The following ASTN2 variants were observed in gnomAD, a reference collection of about 807,000 sequenced individuals.
ASTN2 encodes the protein astrotactin-2.
A neutral mutation model predicts 139.8 loss-of-function variants in ASTN2; 54 were observed. The ratio of observed to expected loss-of-function variants is 0.39; its 90% CI spans 0.31 to 0.48. The LOEUF is 0.48. Ranked by LOEUF, ASTN2 falls within the 20% of genes least tolerant of loss-of-function variation. ASTN2 has a pLI of 0.95. For synonymous variants in ASTN2, 756 were observed against 719.5 expected, an observed-to-expected ratio of 1.05 and a Z score of -0.81; for missense variants, 1,565 against 1,725.1, an observed-to-expected ratio of 0.91 and a Z score of 1.64.
At chr9:117,036,860 C>T (rs1838398134) in intron 6 of ASTN2, among the ~76,000 whole-genome samples, 1 of 152,132 alleles carries the variant, frequency 6.6e-6, no homozygotes, top group Admixed American at 6.6e-5. Flanking sequence ...AGTATGAAAA[C>T]TGCTTGTTTC....
chr9:117,176,619 G>C (rs562027192), intron 3 of ASTN2, among the ~76,000 whole-genome samples: 4 of 152,236 alleles, frequency 2.6e-5, no homozygotes, highest in African/African-American at 9.6e-5. Flanking sequence ...ATGAAGCCAA[G>C]GGAAAGATCA....
At chr9:117,159,552 T>C (rs1830502509) in intron 3 of ASTN2, among the ~76,000 whole-genome samples, 1 of 151,982 alleles carries the variant, frequency 6.6e-6, no homozygotes, top group Admixed American at 6.6e-5. Flanking sequence ...TTTTGGGTAT[T>C]GAAAAAATAT....
chr9:116,960,497 A>G (rs1309417333), intron 10 of ASTN2, among the ~76,000 whole-genome samples: 1 of 150,514 alleles, frequency 6.6e-6, no homozygotes, highest in Non-Finnish European at 1.5e-5. Context: ...CATCCATTCA[A>G]TAGGACTAAT....
rs546027888 is a variant in ASTN2 at position 116,874,325 on chromosome 9, G to A, written c.1890-10592C>T. ...TTCAGAGTGGTCTCATAACTTCCTG[G>A]GAGTGTCTTGTGCTTCTGAGTAGCT... On this transcript the variant is annotated intron_variant, in intron 10 of 22. Coordinates refer to ENST00000313400, the MANE Select transcript of ASTN2 (RefSeq NM_001365068.1). Among the ~76,000 whole-genome samples the A allele has an allele frequency of 4.6e-5, 7 of 152,146 alleles. No homozygotes were observed. In the South Asian group the frequency reaches 1.5e-3, roughly 32 times the overall value.
At chr9:116,791,592 A>G (rs188153290) in intron 13 of ASTN2, among the ~76,000 whole-genome samples, 10 of 152,250 alleles carry the variant, frequency 6.6e-5, no homozygotes, top group Non-Finnish European at 1.0e-4. Context: ...GGAAGCAGCC[A>G]TTATGAACAA....
chr9:117,118,634 G>A (rs1829463989), intron 4 of ASTN2, among the ~76,000 whole-genome samples: 3 of 152,104 alleles, frequency 2.0e-5, no homozygotes, highest in Non-Finnish European at 4.4e-5. Flanking sequence ...GTCTCCAATG[G>A]ATGCTCATCA....
Position 117,096,822 on chromosome 9 carries a change from G to A in ASTN2, c.1169-671C>T, listed in dbSNP as rs182953777. 1.1e-4 allele frequency among the ~76,000 whole-genome samples: 16 copies of A among 152,314 alleles called. 1 individual carries two copies. In the East Asian group the frequency reaches 3.1e-3, roughly 29 times the overall value. On this transcript the variant is annotated intron_variant, in intron 4 of 22. Coordinates refer to ENST00000313400, the MANE Select transcript of ASTN2 (RefSeq NM_001365068.1). ...GCGAAGATTTAAGTCAGGTCTTGAAGGATGGATGGGCCTGCACTGATAGAA... is the reference window on the plus strand; with the variant it reads ...GCGAAGATTTAAGTCAGGTCTTGAAAGATGGATGGGCCTGCACTGATAGAA...
At chr9:117,190,016 G>T (rs1243983491) in intron 3 of ASTN2, among the ~76,000 whole-genome samples, 1 of 152,200 alleles carries the variant, frequency 6.6e-6, no homozygotes, top group Non-Finnish European at 1.5e-5. Context: ...CATAAGGGCT[G>T]TCTCAATTTC....
intron 13 of ASTN2, among the ~76,000 whole-genome samples, chr9:116,750,799 T>C (rs536613140): frequency 6.6e-6 from 1 of 152,278 alleles, no homozygotes; most frequent in African/African-American, 2.4e-5. Context: ...AAAGGTGAAG[T>C]GTACATGCTG....
intron 1 of ASTN2, among the ~76,000 whole-genome samples, chr9:117,397,929 A>T (rs892585398): frequency 6.6e-6 from 1 of 152,206 alleles, no homozygotes; most frequent in Admixed American, 6.5e-5. Flanking sequence ...TGTAATAACT[A>T]GTCCCTTTCT....
intron 20 of ASTN2, among the ~76,000 whole-genome samples, chr9:116,472,105 C>G (rs567023549): frequency 6.6e-6 from 1 of 152,130 alleles, no homozygotes. Context: ...TTATACACCA[C>G]GAAGATCTTT....
chr9:117,394,952 A>G (rs777726201), intron 1 of ASTN2, among the ~76,000 whole-genome samples: 5 of 152,206 alleles, frequency 3.3e-5, no homozygotes, highest in Non-Finnish European at 7.3e-5. Context: ...AGAAACTGCC[A>G]AGAGACTGGG....
intron 16 of ASTN2, among the ~76,000 whole-genome samples, chr9:116,722,534 C>G (rs1564232185): frequency 6.6e-6 from 1 of 151,948 alleles, no homozygotes; most frequent in Non-Finnish European, 1.5e-5. Context: ...TCCAGGGACA[C>G]CAGAGCTAGG....
chr9:117,222,462 C>T (rs537427701), intron 2 of ASTN2, among the ~76,000 whole-genome samples: 1 of 152,272 alleles, frequency 6.6e-6, no homozygotes, highest in African/African-American at 2.4e-5. Flanking sequence ...CCTGAGCCTC[C>T]TTTCCCACTA....
At chr9:116,446,286 G>C (rs200106358) in intron 20 of ASTN2, among the ~76,000 whole-genome samples, 1 of 150,114 alleles carries the variant, frequency 6.7e-6, no homozygotes, top group African/African-American at 2.5e-5. Flanking sequence ...GAGAGAGAGA[G>C]AGAGAGAGAG....
rs1160433645 is a variant in ASTN2, at chr9:116,843,772, G to C, written c.2040+19811C>G. 3.3e-5 allele frequency among the ~76,000 whole-genome samples: 5 copies of C among 152,002 alleles called. No homozygotes were observed. The East Asian group carries it at 9.6e-4, about 29-fold the overall frequency. ...GGGAAGGAGGCAGGGAGGTGAAAGG[G>C]AAGAAACAGGTGCAAGGATTAAAAA... On this transcript the variant is annotated intron_variant, in intron 11 of 22. Transcript: ENST00000313400.
chr9:117,027,449 T>G (rs1838119797), intron 6 of ASTN2, among the ~76,000 whole-genome samples: 1 of 152,170 alleles, frequency 6.6e-6, no homozygotes, highest in South Asian at 2.1e-4. Flanking sequence ...GATCCATTCA[T>G]GCCCCCATGG....
In ASTN2 at chr9:116,653,824, T is replaced by C. The variant is rs575446710; in HGVS notation, c.2807-2031A>G. Among the ~76,000 whole-genome samples, 56 of 152,324 alleles carry C rather than the reference T, an allele frequency of 3.7e-4. No homozygotes were observed. The South Asian group carries it at 8.5e-3, about 23-fold the overall frequency. ...TGGAATCTGGCCTCCACCTTTTCTG[T>C]CTGGCTGTCAGCAAATGCTTATGAG... On this transcript the variant is annotated intron_variant, in intron 16 of 22. Coordinates refer to ENST00000313400, the MANE Select transcript of ASTN2 (RefSeq NM_001365068.1).
chr9:117,301,018 C>A (rs920290425), intron 1 of ASTN2, among the ~76,000 whole-genome samples: 11 of 152,058 alleles, frequency 7.2e-5, no homozygotes, highest in African/African-American at 2.7e-4. Flanking sequence ...TACAGTTATA[C>A]CCAGTTAAAT....
Sources: allele counts gnomAD v4.1 joint callset (sites outside exome capture counted in the v4.1 genomes callset), GRCh38; gene constraint gnomAD v4.1.1; transcripts MANE v1.5; gene names NCBI Gene and HGNC (gene_info 2026-07-23, HGNC 2026-07-21).